Variants in SLC2A2 observed in about 807,000 individuals in gnomAD.
The protein encoded by SLC2A2 is solute carrier family 2 member 2.
In SLC2A2, 36 loss-of-function variants were observed where a neutral mutation model predicts 54.5. The observed-to-expected ratio is 0.66, with a 90% CI of 0.51 to 0.87. The LOEUF is 0.87. Among genes scored for constraint, SLC2A2 ranks in the 40% least tolerant of loss-of-function variants. The probability of loss-of-function intolerance (pLI) is 0.00; values close to 1 mark genes in which losing one functional copy is unlikely to be tolerated. For missense variants in SLC2A2, 543 were observed against 624.3 expected (o/e 0.87, Z 1.39); for synonymous variants, 223 against 219.1 (o/e 1.02, Z -0.16).
chr3:171,018,559 T>A lies in SLC2A2; in HGVS notation c.80A>T (p.Asp27Val), dbSNP rs2108262016. The change falls in exon 2 of 11, where the codon GAC (aspartate) becomes GTC (valine). Residue 27 changes from aspartate to valine, a missense_variant. Around this residue, in one of 3 missense-constraint regions of SLC2A2, gnomAD observed 318 missense variants for 343.8 expected, o/e 0.93. Coordinates refer to ENST00000314251, the MANE Select transcript of SLC2A2 (RefSeq NM_000340.2). ...AVLGSFQFGYDIGVINAPQQV... is the reference protein window; with the variant it reads ...AVLGSFQFGYVIGVINAPQQV... ...TTGAGGTGCATTGATCACACCAATG[T>A]CATATCCAAACTGGAAGGAACCCAG... 1.9e-6 allele frequency: 3 copies of A among 1,613,814 alleles called. No individual in the cohort carries two copies. Among genetic ancestry groups the A allele is most frequent in the African/African-American group, 1.3e-5 (1 of 75,024 alleles).
intron 1 of SLC2A2, among the ~76,000 whole-genome samples, chr3:171,025,809 G>A (rs764083256): frequency 5.3e-5 from 8 of 152,130 alleles, no homozygotes; most frequent in African/African-American, 1.9e-4. Flanking sequence ...TAGAAACCAC[G>A]TATAAGGGAG....
At chr3:170,999,026 T>A in intron 9 of SLC2A2, 39 bp downstream of exon 9, 1 of 1,265,554 alleles carries the variant, frequency 7.9e-7, no homozygotes. Flanking sequence ...GGTACCATCA[T>A]ATGTTAATGA....
At chr3:171,023,226 A>G (rs7638998) in intron 1 of SLC2A2, among the ~76,000 whole-genome samples, 31,447 of 152,136 alleles carry the variant, frequency 0.21, 4,602 homozygotes, top group African/African-American at 0.42. Flanking sequence ...ATAAGGAGCA[A>G]TCTCATCCAT....
At chr3:171,005,221 C>A in intron 7 of SLC2A2, 64 bp downstream of exon 7, 1 of 1,353,430 alleles carries the variant, frequency 7.4e-7, no homozygotes, top group Non-Finnish European at 1.1e-6. Context: ...TAAACTTGTA[C>A]CCCTTGCCTT....
chr3:171,025,512 C>A (rs1227991758), intron 1 of SLC2A2, among the ~76,000 whole-genome samples: 1 of 152,086 alleles, frequency 6.6e-6, no homozygotes, highest in Non-Finnish European at 1.5e-5. Flanking sequence ...GTTTCTTTGC[C>A]TATAAAGGGT....
chr3:171,026,422 G>A (rs905635119), intron 1 of SLC2A2, among the ~76,000 whole-genome samples: 15 of 138,978 alleles, frequency 1.1e-4, no homozygotes, highest in African/African-American at 4.1e-4. Context: ...TAGTAATATG[G>A]TTATGCACAA....
intron 3 of SLC2A2, among the ~76,000 whole-genome samples, chr3:171,011,461 G>A (rs781037917): frequency 6.6e-6 from 1 of 152,150 alleles, no homozygotes; most frequent in Non-Finnish European, 1.5e-5. Context: ...AAAGGGCAAG[G>A]AATGCATTCT....
rs1560031557 is a variant in SLC2A2 at position 170,998,378 on chromosome 3, T to TTA, written c.1188_1189insTA (p.Ser397Ter). 1 of 1,613,480 alleles carries TTA rather than the reference T, an allele frequency of 6.2e-7. No individual in the cohort carries two copies. The highest frequency in any genetic ancestry group is 2.2e-5 in the East Asian group (1 of 44,858). Reference sequence around the variant, plus strand: ...AAGATGGCTATCATGCTCACATAACTCATCCAAGAGAACTTATTCTGAGGA... The same window carrying TTA: ...AAGATGGCTATCATGCTCACATAACTTACATCCAAGAGAACTTATTCTGAGGA... On this transcript the variant is annotated frameshift_variant, in exon 10 of 11. Coordinates refer to ENST00000314251, the MANE Select transcript of SLC2A2 (RefSeq NM_000340.2). LOFTEE classifies it high-confidence loss of function.
chr3:171,007,903 A>G (rs1383984836), intron 4 of SLC2A2, among the ~76,000 whole-genome samples: 1 of 152,110 alleles, frequency 6.6e-6, no homozygotes, highest in African/African-American at 2.4e-5. Flanking sequence ...TTAGGCTTCG[A>G]AAAAATTTTA....
In SLC2A2 at chr3:170,996,378, G is replaced by A. The variant is rs1715073032; in HGVS notation, c.*1525C>T. The A allele has an allele frequency of 2.7e-6, 1 of 376,158 alleles. No homozygotes were observed. Among genetic ancestry groups the A allele is most frequent in the Non-Finnish European group, 4.7e-6 (1 of 211,816 alleles). The allele number at this position is 376,158 out of a possible 1,614,324, so 23.3% of individuals were successfully genotyped here. A position where few individuals can be genotyped will look rare whatever the true frequency, so the allele number is the denominator to read the frequency against. ...GAAACAATTTCTTGTTCTTTGGACT[G>A]CTAAATTACATATATGTGAACAACT... is the stretch of plus-strand genomic sequence containing the variant. On this transcript the variant is annotated 3_prime_UTR_variant, in exon 11 of 11. Transcript: ENST00000314251.
chr3:170,999,419 C>G (rs956937712), intron 8 of SLC2A2, among the ~76,000 whole-genome samples: 2 of 151,894 alleles, frequency 1.3e-5, no homozygotes, highest in Non-Finnish European at 2.9e-5. Flanking sequence ...TTGAATAGAC[C>G]ATTATAGAGA....
At chr3:171,009,393 G>C (rs376304182) in intron 4 of SLC2A2, among the ~76,000 whole-genome samples, 1 of 152,024 alleles carries the variant, frequency 6.6e-6, no homozygotes, top group East Asian at 1.9e-4. Flanking sequence ...GTCATGTCTA[G>C]AATCATACAG....
intron 8 of SLC2A2, 128 bp from the exon 9 acceptor site, chr3:170,999,294 T>A: frequency 1.4e-6 from 1 of 713,874 alleles, no homozygotes; most frequent in Non-Finnish European, 2.5e-6. Flanking sequence ...ATTCCATCCT[T>A]CCATTTTACA....
intron 3 of SLC2A2, among the ~76,000 whole-genome samples, chr3:171,012,281 T>C (rs1418119213): frequency 6.6e-6 from 1 of 152,220 alleles, no homozygotes; most frequent in Non-Finnish European, 1.5e-5. Flanking sequence ...GAGGAAAACG[T>C]CTTAGAGAAC....
chr3:171,026,217 A>G (rs1716685479), intron 1 of SLC2A2, among the ~76,000 whole-genome samples: 1 of 152,042 alleles, frequency 6.6e-6, no homozygotes, highest in Non-Finnish European at 1.5e-5. Context: ...TTCCTTCCAC[A>G]ATCTAAATCA....
rs143301049 is a variant in SLC2A2 at position 171,017,771 on chromosome 3, C to T, written c.108+760G>A. Among the ~76,000 whole-genome samples, 352 of 152,284 alleles carry T rather than the reference C, an allele frequency of 2.3e-3. 3 individuals are homozygous for T. Among genetic ancestry groups the T allele is most frequent in the Non-Finnish European group, 3.6e-3 (244 of 68,030 alleles). On this transcript the variant is annotated intron_variant, in intron 2 of 10. Transcript: ENST00000314251. The stretch of plus-strand genomic sequence containing the variant: ...AAGTCCTGGTTCCCCGACTTATGGG[C>T]TGTGGGAGCTGAGAATAACATACCT...
intron 8 of SLC2A2, among the ~76,000 whole-genome samples, chr3:171,001,647 T>C (rs1432532594): frequency 6.6e-6 from 1 of 152,084 alleles, no homozygotes; most frequent in Non-Finnish European, 1.5e-5. Context: ...GCTGTTTTTA[T>C]CTTGTTGAAC....
At chr3:171,022,032 C>T (rs888951299) in intron 1 of SLC2A2, among the ~76,000 whole-genome samples, 1 of 152,170 alleles carries the variant, frequency 6.6e-6, no homozygotes, top group African/African-American at 2.4e-5. Flanking sequence ...TCTGTAAAGT[C>T]TTTTGCCACA....
chr3:170,999,323 G>A (rs912662878), intron 8 of SLC2A2, among the ~76,000 whole-genome samples, 157 bp from the exon 9 acceptor site: 8 of 152,152 alleles, frequency 5.3e-5, no homozygotes, highest in South Asian at 2.1e-4. Context: ...ATCAAGGTGG[G>A]GAGTGACTCT....
Sources: gnomAD v4.1 joint callset for allele counts (sites outside exome capture counted in the v4.1 genomes callset) on GRCh38, gnomAD v4.1.1 for gene constraint, gnomAD v4.1.1 regional missense constraint, MANE v1.5 for transcripts, NCBI Gene and HGNC (gene_info 2026-07-23, HGNC 2026-07-21) for gene names.